The following FAM20C variants were observed in gnomAD, a reference collection of about 807,000 sequenced individuals.
FAM20C encodes extracellular serine/threonine protein kinase FAM20C.
Under a neutral mutation model 51.5 loss-of-function variants are expected in FAM20C, and 40 were observed. The ratio of observed to expected loss-of-function variants is 0.78; its 90% CI spans 0.60 to 1.01. FAM20C has a LOEUF of 1.01. Ranked by LOEUF, FAM20C falls within the 50% of genes least tolerant of loss-of-function variation. The pLI is 0.00. For synonymous variants in FAM20C, 406 were observed against 380.6 expected (o/e 1.07, Z -0.78); for missense variants, 861 against 844.7 (o/e 1.02, Z -0.24).
chr7:251,268 A>G (rs1437701799), intron 5 of FAM20C, among the ~76,000 whole-genome samples: 2 of 78,508 alleles, frequency 2.5e-5, no homozygotes, highest in African/African-American at 7.2e-5. Flanking sequence ...ACGGTGGCTC[A>G]CACGCCTGCA....
intron 3 of FAM20C, among the ~76,000 whole-genome samples, chr7:218,536 G>C (rs145788082): frequency 6.6e-6 from 1 of 152,302 alleles, no homozygotes; most frequent in Non-Finnish European, 1.5e-5. Flanking sequence ...TGGTCAGAGG[G>C]AGGGCGGGGC....
intron 3 of FAM20C, among the ~76,000 whole-genome samples, chr7:212,702 C>T (rs767307372): frequency 2.6e-5 from 4 of 152,246 alleles, no homozygotes; most frequent in Non-Finnish European, 4.4e-5. Context: ...TTCTAATAGT[C>T]GCTGAAAAGC....
chr7:224,254 G>C (rs1444894597), intron 3 of FAM20C, among the ~76,000 whole-genome samples: 1 of 90,676 alleles, frequency 1.1e-5, no homozygotes, highest in Admixed American at 9.2e-5. Flanking sequence ...CACTGTCACG[G>C]GGTCGCATGG....
chr7:220,125 C>T (rs1221419362), intron 3 of FAM20C, among the ~76,000 whole-genome samples: 1 of 152,236 alleles, frequency 6.6e-6, no homozygotes, highest in Non-Finnish European at 1.5e-5. Context: ...AAGGTTGATC[C>T]ACCTCATTGG....
At chr7:246,648 C>G (rs1377827822) in intron 4 of FAM20C, 141 bp downstream of exon 4, 4 of 530,514 alleles carry the variant, frequency 7.5e-6, no homozygotes, top group Non-Finnish European at 1.3e-5. Context: ...GCTCTCCCCC[C>G]ACCCCGAGTG....
rs1049350972 is a variant in FAM20C at position 252,139 on chromosome 7, G to A, written c.1072+3709G>A. On this transcript the variant is annotated intron_variant, in intron 5 of 9. Transcript: ENST00000313766. ...TGTGTCTCCCAACCACAGATGCCAG[G>A]TGACCTCAGAGGCCCTGCCGGAGCC... Among the ~76,000 whole-genome samples, 3 of 152,268 alleles carry A rather than the reference G, an allele frequency of 2.0e-5. 1 individual carries two copies. The South Asian group carries it at 6.2e-4, about 31-fold the overall frequency.
intron 2 of FAM20C, among the ~76,000 whole-genome samples, chr7:201,929 C>T (rs146914133): frequency 1.3e-5 from 2 of 152,292 alleles, no homozygotes; most frequent in African/African-American, 4.8e-5. Context: ...AACTAGTGCA[C>T]GTTAATCACA....
chr7:250,183 G>A (rs1241694010), intron 5 of FAM20C, among the ~76,000 whole-genome samples: 2 of 152,214 alleles, frequency 1.3e-5, no homozygotes, highest in Non-Finnish European at 2.9e-5. Context: ...TCCTGCAGAT[G>A]TTTCAGATCG....
intron 3 of FAM20C, among the ~76,000 whole-genome samples, chr7:240,743 C>A (rs1461018566): frequency 6.6e-6 from 1 of 152,058 alleles, no homozygotes; most frequent in African/African-American, 2.4e-5. Flanking sequence ...GGCCCTCTCC[C>A]CTTGAGTCCA....
In FAM20C at chr7:192,790, G is replaced by A. The variant is rs961229233; in HGVS notation, c.-410G>A. Reference sequence around the variant, plus strand: ...TGGAGAGGAGCGCGCTGAGGATCGGGACGCCTGCGGCCGCCGCCACCGCCC... The same window carrying A: ...TGGAGAGGAGCGCGCTGAGGATCGGAACGCCTGCGGCCGCCGCCACCGCCC... On this transcript the variant is annotated 5_prime_UTR_variant, in exon 1 of 10. Transcript: ENST00000313766. 1.3e-5 allele frequency among the ~76,000 whole-genome samples: 2 copies of A among 148,186 alleles called. No individual in the cohort carries two copies. The highest frequency in any genetic ancestry group is 4.9e-5 in the African/African-American group (2 of 41,062).
chr7:252,716 A>G (rs977937574), intron 5 of FAM20C, among the ~76,000 whole-genome samples: 1 of 152,232 alleles, frequency 6.6e-6, no homozygotes, highest in African/African-American at 2.4e-5. Context: ...CAGGAGGCTG[A>G]GCCCCAGGCA....
At chr7:258,340 G>C (rs1483832217) in intron 8 of FAM20C, among the ~76,000 whole-genome samples, 8 of 108,966 alleles carry the variant, frequency 7.3e-5, no homozygotes, top group Admixed American at 1.6e-4. Flanking sequence ...CTGGAGATGG[G>C]CAGGGTGGAC....
At chr7:208,342 TTGTGTGTA>T (rs1786536085) in intron 2 of FAM20C, among the ~76,000 whole-genome samples, 1 of 146,840 alleles carries the variant, frequency 6.8e-6, no homozygotes, top group African/African-American at 2.6e-5. Flanking sequence ...TAGGTGTGTG[TTGTGTGTA>T]CTGTAGGGTG....
At chr7:206,230 T>G (rs555956405) in intron 2 of FAM20C, among the ~76,000 whole-genome samples, 32 of 152,188 alleles carry the variant, frequency 2.1e-4, no homozygotes, top group Non-Finnish European at 4.0e-4. Context: ...TTTTTCCATT[T>G]TTCCATCTTC....
chr7:227,441 C>G (rs183509870), intron 3 of FAM20C: 8 of 151,596 alleles, frequency 5.3e-5, no homozygotes, highest in African/African-American at 2.0e-4. Context: ...TAGCCCCTAA[C>G]TATGCATTTA....
chr7:258,733 G>A (rs1187865699), intron 9 of FAM20C, 28 bp downstream of exon 9: 9 of 1,528,994 alleles, frequency 5.9e-6, no homozygotes, highest in East Asian at 2.4e-5. Context: ...GCCGGCTCCA[G>A]CTCCACCCTC....
At chr7:226,996 C>A (rs1400505297) in intron 3 of FAM20C, among the ~76,000 whole-genome samples, 1 of 152,136 alleles carries the variant, frequency 6.6e-6, no homozygotes, top group Admixed American at 6.5e-5. Flanking sequence ...TGGCACCCTC[C>A]CCTCGGCTGT....
chr7:198,439 C>T (rs953417301), intron 2 of FAM20C, among the ~76,000 whole-genome samples: 2 of 152,114 alleles, frequency 1.3e-5, no homozygotes, highest in African/African-American at 4.8e-5. Flanking sequence ...CATTCACTAG[C>T]GAAAACTGAC....
intron 3 of FAM20C, among the ~76,000 whole-genome samples, chr7:245,113 G>A (rs1290215694): frequency 6.6e-6 from 1 of 152,270 alleles, no homozygotes; most frequent in Admixed American, 6.5e-5. Context: ...ATGCTCCCAG[G>A]AGTTGGGCGG....
Sources: gnomAD v4.1 joint callset for allele counts (sites outside exome capture counted in the v4.1 genomes callset) on GRCh38, gnomAD v4.1.1 for gene constraint, MANE v1.5 for transcripts, NCBI Gene and HGNC (gene_info 2026-07-23, HGNC 2026-07-21) for gene names.